Variants in POU6F2 observed in about 807,000 individuals in gnomAD.
The protein encoded by POU6F2 is POU class 6 homeobox 2.
A neutral mutation model predicts 71.3 loss-of-function variants in POU6F2; 31 were observed. That is an observed-to-expected ratio of 0.43 (90% CI 0.33 to 0.59). The LOEUF (loss-of-function observed/expected upper bound fraction) is 0.59, where lower values mean the gene tolerates loss of function less well. Among genes scored for constraint, POU6F2 ranks in the 20% least tolerant of loss-of-function variants. POU6F2 has a pLI of 0.04. For missense variants in POU6F2, 783 were observed against 856.8 expected, an observed-to-expected ratio of 0.91 and a Z score of 1.07; for synonymous variants, 347 against 355.7, an observed-to-expected ratio of 0.98 and a Z score of 0.27.
chr7:39,054,628 A>C (rs1313358079), intron 1 of POU6F2, among the ~76,000 whole-genome samples: 1 of 152,076 alleles, frequency 6.6e-6, no homozygotes, highest in Non-Finnish European at 1.5e-5. Flanking sequence ...AAGGAGTTAC[A>C]ATGGCTCAGA....
chr7:39,197,330 G>C (rs1048673209), intron 2 of POU6F2, among the ~76,000 whole-genome samples: 1 of 152,226 alleles, frequency 6.6e-6, no homozygotes, highest in African/African-American at 2.4e-5. Context: ...CATCCCAGCC[G>C]GAAGGTTACA....
intron 4 of POU6F2, among the ~76,000 whole-genome samples, chr7:39,331,658 C>A (rs1785654311): frequency 6.6e-6 from 1 of 152,138 alleles, no homozygotes; most frequent in African/African-American, 2.4e-5. Flanking sequence ...CAGGCACACG[C>A]CACCACGCCC....
At chr7:39,282,022 T>G (rs1401440025) in intron 4 of POU6F2, among the ~76,000 whole-genome samples, 2 of 152,176 alleles carry the variant, frequency 1.3e-5, no homozygotes, top group African/African-American at 2.4e-5. Flanking sequence ...TGGTTTTGAT[T>G]TGCATTTTCC....
intron 4 of POU6F2, among the ~76,000 whole-genome samples, chr7:39,311,037 G>A (rs1254795750): frequency 6.6e-6 from 1 of 152,142 alleles, no homozygotes; most frequent in African/African-American, 2.4e-5. Flanking sequence ...ATCCCGGTTG[G>A]ATAGAGTCAT....
intron 5 of POU6F2, among the ~76,000 whole-genome samples, chr7:39,360,782 C>G (rs572783535): frequency 6.6e-6 from 1 of 152,296 alleles, no homozygotes; most frequent in African/African-American, 2.4e-5. Flanking sequence ...TTATGCCTCC[C>G]CTTTTAGACC....
rs555528170 is a variant in POU6F2, at chr7:39,237,078, A to G, written c.598+29458A>G. 2.0e-5 allele frequency among the ~76,000 whole-genome samples: 3 copies of G among 152,144 alleles called. No individual in the cohort carries two copies. The South Asian group carries it at 6.2e-4, about 31-fold the overall frequency. On this transcript the variant is annotated intron_variant, in intron 4 of 9. Transcript: ENST00000518318. ...TGCTACACTCCTCACACACAGAAGC[A>G]CTTCAACATTTTCCTCCTTTTGCCT...
At chr7:39,438,826 A>G (rs1215469414) in intron 7 of POU6F2, among the ~76,000 whole-genome samples, 5 of 152,210 alleles carry the variant, frequency 3.3e-5, no homozygotes, top group Non-Finnish European at 7.3e-5. Context: ...AGAAGAATGT[A>G]TATTCTGTTG....
At chr7:39,290,140 T>C (rs1030080126) in intron 4 of POU6F2, among the ~76,000 whole-genome samples, 4 of 152,218 alleles carry the variant, frequency 2.6e-5, no homozygotes, top group Admixed American at 2.0e-4. Context: ...CACACAGATA[T>C]ACAAGTTTTA....
intron 1 of POU6F2, among the ~76,000 whole-genome samples, chr7:39,047,395 C>T (rs974902227): frequency 1.3e-5 from 2 of 151,842 alleles, no homozygotes; most frequent in Non-Finnish European, 2.9e-5. Flanking sequence ...TTCTTTCACT[C>T]AGCACTTGTA....
At chr7:39,131,761 C>G (rs1792287822) in intron 2 of POU6F2, among the ~76,000 whole-genome samples, 2 of 152,174 alleles carry the variant, frequency 1.3e-5, no homozygotes, top group South Asian at 4.1e-4. Flanking sequence ...GATCTTTCTC[C>G]TGCACAGTGG....
intron 4 of POU6F2, among the ~76,000 whole-genome samples, chr7:39,286,745 G>A (rs1252931050): frequency 6.6e-6 from 1 of 152,026 alleles, no homozygotes; most frequent in Non-Finnish European, 1.5e-5. Context: ...ATGTTAAAAG[G>A]TATCATCATC....
At position 39,301,384 on chromosome 7, in the gene POU6F2, G is replaced by A. The variant is rs537189964; in HGVS notation, c.599-38258G>A. Among the ~76,000 whole-genome samples, 11 of 152,232 alleles carry A rather than the reference G, an allele frequency of 7.2e-5. 1 individual carries two copies. Among genetic ancestry groups the A allele is most frequent in the South Asian group, 6.2e-4 (3 of 4,816 alleles). ...CTGTTCCTTTATCAATCACATCAGC[G>A]CTGGCCAACAGCATCATTCTGTTGT... On this transcript the variant is annotated intron_variant, in intron 4 of 9. Coordinates refer to ENST00000518318, the MANE Select transcript of POU6F2 (RefSeq NM_001370959.1).
chr7:39,324,207 A>G (rs964284642), intron 4 of POU6F2, among the ~76,000 whole-genome samples: 2 of 152,204 alleles, frequency 1.3e-5, no homozygotes, highest in African/African-American at 4.8e-5. Context: ...AGTGATAAAT[A>G]TGGAAACCAT....
At chr7:39,388,325 C>A (rs181821902) in intron 5 of POU6F2, among the ~76,000 whole-genome samples, 2,134 of 151,780 alleles carry the variant, frequency 0.014, 30 homozygotes, top group Non-Finnish European at 0.02. Flanking sequence ...GATTTTCTTT[C>A]TTTTTTTTGA....
Position 39,406,597 on chromosome 7 carries a change from C to T in POU6F2, c.973-3C>T. 6.2e-7 allele frequency: 1 copy of T among 1,612,670 alleles called. No homozygotes were observed. Among genetic ancestry groups the T allele is most frequent in the Non-Finnish European group, 8.5e-7 (1 of 1,179,740 alleles). Reference sequence around the variant, plus strand: ...TTCACGGTGATCTTTTCTCTCTTTGCAGCTGGTTAATAATCCACTAGCAAG... The same window carrying T: ...TTCACGGTGATCTTTTCTCTCTTTGTAGCTGGTTAATAATCCACTAGCAAG... On this transcript the variant is annotated splice_polypyrimidine_tract_variant and splice_region_variant and intron_variant, in intron 5 of 9. Transcript: ENST00000518318.
intron 5 of POU6F2, among the ~76,000 whole-genome samples, chr7:39,396,752 T>C (rs1435156154): frequency 2.0e-5 from 3 of 152,130 alleles, no homozygotes; most frequent in Non-Finnish European, 4.4e-5. Flanking sequence ...TAGGGGCACA[T>C]AGAATCCATC....
intron 2 of POU6F2, among the ~76,000 whole-genome samples, chr7:39,093,110 A>G (rs1013458979): frequency 6.6e-6 from 1 of 152,092 alleles, no homozygotes; most frequent in Non-Finnish European, 1.5e-5. Flanking sequence ...TTAAGGTCTT[A>G]TATGTAACAA....
At chr7:39,182,297 C>G (rs532821772) in intron 2 of POU6F2, among the ~76,000 whole-genome samples, 1 of 152,286 alleles carries the variant, frequency 6.6e-6, no homozygotes, top group South Asian at 2.1e-4. Flanking sequence ...CACTCACAAA[C>G]CTTTTTTCAC....
At chr7:39,394,497 A>G (rs886527479) in intron 5 of POU6F2, among the ~76,000 whole-genome samples, 1 of 152,144 alleles carries the variant, frequency 6.6e-6, no homozygotes, top group South Asian at 2.1e-4. Flanking sequence ...GCACTCTGCC[A>G]TATGAACTCA....
Sources: gnomAD v4.1 joint callset for allele counts (sites outside exome capture counted in the v4.1 genomes callset) on GRCh38, gnomAD v4.1.1 for gene constraint, MANE v1.5 for transcripts, NCBI Gene and HGNC (gene_info 2026-07-23, HGNC 2026-07-21) for gene names.